The following CHRM2 variants were observed in gnomAD, a reference collection of about 807,000 sequenced individuals.
CHRM2 encodes the protein muscarinic acetylcholine receptor M2.
In CHRM2, 8 loss-of-function variants were observed where a neutral mutation model predicts 25.0. The observed-to-expected ratio is 0.32, with a 90% CI of 0.19 to 0.58. The LOEUF (loss-of-function observed/expected upper bound fraction) is 0.58, where lower values mean the gene tolerates loss of function less well. CHRM2 is among the 20% of genes least tolerant of loss of function. The pLI, the probability that CHRM2 is intolerant of heterozygous loss-of-function variation, is 0.88. For synonymous variants in CHRM2, 202 were observed against 205.7 expected, an observed-to-expected ratio of 0.98 and a Z score of 0.15; for missense variants, 440 against 567.1, an observed-to-expected ratio of 0.78 and a Z score of 2.28.
intron 3 of CHRM2, among the ~76,000 whole-genome samples, chr7:137,008,267 C>A (rs1340082781): frequency 1.3e-5 from 2 of 151,994 alleles, no homozygotes; most frequent in African/African-American, 4.8e-5. Flanking sequence ...GTAGGTGAAC[C>A]CTTGCTTCCA....
intron 2 of CHRM2, among the ~76,000 whole-genome samples, chr7:136,916,964 A>AT (rs1475665135): frequency 6.6e-6 from 1 of 151,636 alleles, no homozygotes; most frequent in African/African-American, 2.4e-5. Flanking sequence ...CTGTGTATAT[A>AT]TTTTTATTTA....
chr7:136,956,139 A>C (rs988890853), intron 2 of CHRM2, among the ~76,000 whole-genome samples: 1 of 152,202 alleles, frequency 6.6e-6, no homozygotes, highest in Non-Finnish European at 1.5e-5. Flanking sequence ...ATTACAACAT[A>C]GAGAATAAAA....
At chr7:137,006,476 G>A (rs1804433910) in intron 3 of CHRM2, among the ~76,000 whole-genome samples, 1 of 152,032 alleles carries the variant, frequency 6.6e-6, no homozygotes, top group Non-Finnish European at 1.5e-5. Flanking sequence ...ACTAAGAATA[G>A]TATTACGTTT....
rs1306012877 is a variant in CHRM2 at position 136,875,915 on chromosome 7, G to C, written c.-125+6497G>C. On this transcript the variant is annotated intron_variant, in intron 2 of 3. Coordinates refer to ENST00000680005, the MANE Select transcript of CHRM2 (RefSeq NM_001006630.2). The stretch of plus-strand genomic sequence containing the variant: ...TCCTCCTCCTCTTCCTCCTCTTCGT[G>C]GAATTTATTATTATTATAATACTAA... Among the ~76,000 whole-genome samples, 13 of 152,004 alleles carry C rather than the reference G, an allele frequency of 8.6e-5. No individual in the cohort carries two copies. The East Asian group carries it at 2.5e-3, about 29-fold the overall frequency.
chr7:137,014,764 G>A, intron 3 of CHRM2, 56 bp from the exon 4 acceptor site: 3 of 1,047,624 alleles, frequency 2.9e-6, no homozygotes, highest in Admixed American at 4.0e-5. Flanking sequence ...ACAACATTAT[G>A]TATTTTAAAC....
Position 136,938,475 on chromosome 7 carries a change from C to A in CHRM2, c.-124-53712C>A. ...GCTCCTTCCCCTGGATGCGCACGGC[C>A]TGGATGTTGGGGTTCACCTCTAGGA... On this transcript the variant is annotated intron_variant, in intron 2 of 3. Coordinates refer to ENST00000680005, the MANE Select transcript of CHRM2 (RefSeq NM_001006630.2). 3 of 1,130,494 alleles carry A rather than the reference C, an allele frequency of 2.7e-6. No homozygotes were observed. In the South Asian group the frequency reaches 3.7e-5, roughly 14 times the overall value. 70.0% of individuals were successfully genotyped at this position (1,130,494 alleles called of 1,614,324 possible).
chr7:136,947,215 C>G (rs1353143718), intron 2 of CHRM2, among the ~76,000 whole-genome samples: 1 of 151,876 alleles, frequency 6.6e-6, no homozygotes, highest in African/African-American at 2.4e-5. Flanking sequence ...GTTTGTTTTT[C>G]TTTTTTTCAT....
intron 2 of CHRM2, among the ~76,000 whole-genome samples, chr7:136,877,464 C>T (rs1796094451): frequency 6.6e-6 from 1 of 151,962 alleles, no homozygotes; most frequent in Non-Finnish European, 1.5e-5. Context: ...AATATCTTCA[C>T]AGATCATATA....
At chr7:136,907,723 CAA>C (rs1372884477) in intron 2 of CHRM2, 1 of 151,498 alleles carries the variant, frequency 6.6e-6, no homozygotes, top group Non-Finnish European at 1.5e-5. Flanking sequence ...GAAGTTTCAA[CAA>C]AAAAAATCTT....
intron 2 of CHRM2, among the ~76,000 whole-genome samples, chr7:136,976,495 G>A (rs1477090721): frequency 6.6e-6 from 1 of 152,090 alleles, no homozygotes; most frequent in Non-Finnish European, 1.5e-5. Context: ...AAGAAATAAA[G>A]TGGCTAAGAT....
At chr7:136,918,574 T>A (rs1342109344) in intron 2 of CHRM2, among the ~76,000 whole-genome samples, 3 of 151,868 alleles carry the variant, frequency 2.0e-5, no homozygotes, top group Admixed American at 6.6e-5. Flanking sequence ...AACAGTTTTT[T>A]AAAAAAATAT....
intron 2 of CHRM2, among the ~76,000 whole-genome samples, chr7:136,924,634 T>C (rs1405655320): frequency 6.6e-6 from 1 of 152,098 alleles, no homozygotes; most frequent in African/African-American, 2.4e-5. Context: ...AAATCACAGA[T>C]TTGTCAGTGG....
At chr7:136,916,287 T>G (rs1368821985) in intron 2 of CHRM2, among the ~76,000 whole-genome samples, 1 of 151,894 alleles carries the variant, frequency 6.6e-6, no homozygotes, top group African/African-American at 2.4e-5. Context: ...AAACTCAACA[T>G]AAGGATGAAT....
At chr7:136,945,031 G>T (rs1185595934) in intron 2 of CHRM2, among the ~76,000 whole-genome samples, 1 of 151,766 alleles carries the variant, frequency 6.6e-6, no homozygotes, top group Admixed American at 6.6e-5. Flanking sequence ...TATGTTCGTT[G>T]GCCATTTGTG....
chr7:137,013,348 T>A (rs905958530), intron 3 of CHRM2, among the ~76,000 whole-genome samples: 28 of 152,074 alleles, frequency 1.8e-4, no homozygotes, highest in African/African-American at 6.5e-4. Context: ...GAAAAAATTA[T>A]TTTTTTAAAT....
chr7:136,980,287 T>C (rs1156820164), intron 2 of CHRM2, among the ~76,000 whole-genome samples: 1 of 152,216 alleles, frequency 6.6e-6, no homozygotes, highest in Non-Finnish European at 1.5e-5. Flanking sequence ...TTTTTGCACA[T>C]TGATTTTGTA....
chr7:136,883,970 C>A (rs183204027), intron 2 of CHRM2, among the ~76,000 whole-genome samples: 33 of 152,232 alleles, frequency 2.2e-4, no homozygotes, highest in Admixed American at 2.0e-3. Context: ...GAAATATAAT[C>A]TAGTCATTTT....
intron 2 of CHRM2, among the ~76,000 whole-genome samples, chr7:136,944,502 T>C (rs1799955440): frequency 6.6e-6 from 1 of 152,106 alleles, no homozygotes; most frequent in South Asian, 2.1e-4. Context: ...TGTATACATA[T>C]ATGTGTACAT....
intron 2 of CHRM2, among the ~76,000 whole-genome samples, chr7:136,989,224 T>C (rs202182375): frequency 6.6e-6 from 1 of 150,912 alleles, no homozygotes; most frequent in Non-Finnish European, 1.5e-5. Flanking sequence ...GGTTAAAGAT[T>C]TTTGTTTTTA....
Sources: allele counts gnomAD v4.1 joint callset (sites outside exome capture counted in the v4.1 genomes callset), GRCh38; gene constraint gnomAD v4.1.1; transcripts MANE v1.5; gene names NCBI Gene and HGNC (gene_info 2026-07-23, HGNC 2026-07-21).